Variants in NELL1 observed in about 807,000 individuals in gnomAD.
NELL1 encodes protein kinase C-binding protein NELL1.
In NELL1, 76 loss-of-function variants were observed where a neutral mutation model predicts 107.4. The ratio of observed to expected loss-of-function variants is 0.71; its 90% CI spans 0.59 to 0.86. NELL1 has a LOEUF of 0.86. Among genes scored for constraint, NELL1 ranks in the 40% least tolerant of loss-of-function variants. NELL1 has a pLI of 0.00. For missense variants in NELL1, 1,024 were observed against 1,005.5 expected, an observed-to-expected ratio of 1.02 and a Z score of -0.25; for synonymous variants, 353 against 341.2, an observed-to-expected ratio of 1.03 and a Z score of -0.38.
At chr11:21,061,987 C>T (rs181333760) in intron 12 of NELL1, among the ~76,000 whole-genome samples, 137 of 152,304 alleles carry the variant, frequency 9.0e-4, no homozygotes, top group African/African-American at 3.3e-3. Context: ...CAGGACTTGC[C>T]TCAGACCATA....
intron 15 of NELL1, among the ~76,000 whole-genome samples, chr11:21,532,480 T>A (rs879288428): frequency 2.0e-5 from 3 of 152,130 alleles, no homozygotes; most frequent in African/African-American, 7.2e-5. Flanking sequence ...GTTTTGAGAG[T>A]AAAAGGGAAG....
chr11:21,180,249 ACT>A (rs1181750024), intron 13 of NELL1, among the ~76,000 whole-genome samples: 16 of 151,828 alleles, frequency 1.1e-4, no homozygotes, highest in Admixed American at 1.3e-4. Flanking sequence ...AGAAGAACAA[ACT>A]CTGCGGTTGC....
At chr11:21,142,471 G>A (rs989211196) in intron 13 of NELL1, among the ~76,000 whole-genome samples, 1 of 152,214 alleles carries the variant, frequency 6.6e-6, no homozygotes, top group African/African-American at 2.4e-5. Flanking sequence ...GCTTTGACAA[G>A]GAACTGAGTT....
At chr11:21,557,440 C>T (rs766407389) in intron 16 of NELL1, among the ~76,000 whole-genome samples, 2 of 151,958 alleles carry the variant, frequency 1.3e-5, no homozygotes, top group African/African-American at 2.4e-5. Flanking sequence ...CATAATATAG[C>T]TGGGCATTAG....
intron 15 of NELL1, among the ~76,000 whole-genome samples, chr11:21,441,330 C>CGTGTGTGT (rs201892977): frequency 3.6e-5 from 5 of 140,236 alleles, no homozygotes; most frequent in African/African-American, 1.0e-4. Flanking sequence ...GAGGCTGTGA[C>CGTGTGTGT]GTGTGTGTGT....
intron 15 of NELL1, among the ~76,000 whole-genome samples, chr11:21,404,938 C>G (rs763389349): frequency 2.0e-5 from 3 of 152,054 alleles, no homozygotes; most frequent in Non-Finnish European, 2.9e-5. Context: ...GGGTGAGATA[C>G]TAGGACAGAT....
At chr11:20,830,971 T>G (rs1857996547) in intron 3 of NELL1, among the ~76,000 whole-genome samples, 2 of 152,030 alleles carry the variant, frequency 1.3e-5, no homozygotes, top group African/African-American at 4.8e-5. Flanking sequence ...ACAAACCATA[T>G]CCAATCATAG....
intron 2 of NELL1, among the ~76,000 whole-genome samples, chr11:20,706,131 A>T (rs1437640647): frequency 6.6e-6 from 1 of 152,218 alleles, no homozygotes; most frequent in Non-Finnish European, 1.5e-5. Context: ...ATCTAGAACT[A>T]GAAATACCGT....
intron 15 of NELL1, among the ~76,000 whole-genome samples, chr11:21,388,652 T>A (rs1351993380): frequency 6.6e-6 from 1 of 151,874 alleles, no homozygotes; most frequent in Non-Finnish European, 1.5e-5. Flanking sequence ...TCAGTTCCAC[T>A]GCTCCAAGCT....
At chr11:21,314,676 T>G (rs1038563958) in intron 14 of NELL1, among the ~76,000 whole-genome samples, 3 of 152,046 alleles carry the variant, frequency 2.0e-5, no homozygotes, top group African/African-American at 4.8e-5. Context: ...GCAGAAGAAG[T>G]TATTATGGCC....
intron 3 of NELL1, among the ~76,000 whole-genome samples, chr11:20,818,333 C>T (rs182408605): frequency 4.7e-5 from 7 of 149,532 alleles, no homozygotes; most frequent in South Asian, 2.1e-4. Context: ...GCATACGTAA[C>T]GTCTTTCTTT....
At position 21,328,346 on chromosome 11, in the gene NELL1, G is replaced by T. The variant is rs141354767; in HGVS notation, c.1550-42507G>T. ...AGCCTTCAGCCTTGGCAGCTTACAC[G>T]TGGTGTTGAGCCTGTAGGTGCACAG... On this transcript the variant is annotated intron_variant, in intron 14 of 19. Coordinates refer to ENST00000357134, the MANE Select transcript of NELL1 (RefSeq NM_006157.5). 6.4e-3 allele frequency among the ~76,000 whole-genome samples: 971 copies of T among 152,240 alleles called. 11 individuals carry two copies. The highest frequency in any genetic ancestry group is 0.022 in the African/African-American group (897 of 41,538).
At chr11:21,564,821 A>C (rs945003092) in intron 17 of NELL1, among the ~76,000 whole-genome samples, 2 of 151,846 alleles carry the variant, frequency 1.3e-5, no homozygotes, top group African/African-American at 4.8e-5. Flanking sequence ...AGTGAAGAAG[A>C]CCTTTTTCAT....
rs1447010533 is a variant in NELL1, at chr11:21,113,536, CTGT to C, written c.1301-48_1301-46del. Reference sequence around the variant, plus strand: ...TTAATTTATCTGCAAAATGATTACACTGTTGTTCCATTATTTTGCTAACCATGA... The same window carrying C: ...TTAATTTATCTGCAAAATGATTACACTGTTCCATTATTTTGCTAACCATGA... On this transcript the variant is annotated intron_variant, in intron 12 of 19. Coordinates refer to ENST00000357134, the MANE Select transcript of NELL1 (RefSeq NM_006157.5). 1.9e-6 allele frequency: 3 copies of C among 1,555,474 alleles called. No homozygotes were observed. The East Asian group carries it at 6.8e-5, about 35-fold the overall frequency.
chr11:20,689,726 A>T (rs1590206737), intron 2 of NELL1, among the ~76,000 whole-genome samples: 1 of 150,730 alleles, frequency 6.6e-6, no homozygotes, highest in African/African-American at 2.5e-5. Flanking sequence ...TGCTATTGTG[A>T]ATAGTGCCGC....
chr11:21,268,092 C>A (rs1158087498), intron 14 of NELL1, among the ~76,000 whole-genome samples: 2 of 152,110 alleles, frequency 1.3e-5, no homozygotes, highest in African/African-American at 4.8e-5. Context: ...GAAAGACAGA[C>A]AGGCAGAAAC....
chr11:21,368,297 G>A (rs932627673), intron 14 of NELL1, among the ~76,000 whole-genome samples: 1 of 150,638 alleles, frequency 6.6e-6, no homozygotes, highest in East Asian at 1.9e-4. Flanking sequence ...ATAGGTACAT[G>A]AACTTGAATA....
chr11:21,129,983 T>C (rs1590663689), intron 13 of NELL1, among the ~76,000 whole-genome samples: 1 of 152,222 alleles, frequency 6.6e-6, no homozygotes, highest in South Asian at 2.1e-4. Flanking sequence ...AGGGGAAAGA[T>C]CTCTTCCCAT....
chr11:21,041,682 G>A (rs1398547995), intron 12 of NELL1, among the ~76,000 whole-genome samples: 1 of 152,144 alleles, frequency 6.6e-6, no homozygotes, highest in East Asian at 1.9e-4. Flanking sequence ...GTGGAAAATG[G>A]ACAAGAAAAC....
Sources: allele counts gnomAD v4.1 joint callset (sites outside exome capture counted in the v4.1 genomes callset), GRCh38; gene constraint gnomAD v4.1.1; transcripts MANE v1.5; gene names NCBI Gene and HGNC (gene_info 2026-07-23, HGNC 2026-07-21).